Variants in EPB41L5 observed in about 807,000 individuals in gnomAD.
The protein encoded by EPB41L5 is band 4.1-like protein 5.
A neutral mutation model predicts 106.6 loss-of-function variants in EPB41L5; 55 were observed. The observed-to-expected ratio is 0.52, with a 90% CI of 0.42 to 0.65. EPB41L5 has a LOEUF of 0.65. EPB41L5 is among the 30% of genes least tolerant of loss of function. EPB41L5 has a pLI of 0.00. For missense variants in EPB41L5, 871 were observed against 882.1 expected, an observed-to-expected ratio of 0.99 and a Z score of 0.16; for synonymous variants, 297 against 306.7, an observed-to-expected ratio of 0.97 and a Z score of 0.33.
intron 10 of EPB41L5, among the ~76,000 whole-genome samples, chr2:120,082,278 C>T (rs1486210644): frequency 6.6e-6 from 1 of 152,080 alleles, no homozygotes; most frequent in African/African-American, 2.4e-5. Context: ...TTTTGAGATA[C>T]ATCCCATCAA....
rs774022685 is a variant in EPB41L5, at chr2:120,174,927, G to A, written c.*20G>A. ...CTCTGAGGGCCTGTAGCTGGAATAC[G>A]CATCTCTCCAGCATTCCGTCCTGGG... On this transcript the variant is annotated 3_prime_UTR_variant, in exon 25 of 25. Coordinates refer to ENST00000263713, the MANE Select transcript of EPB41L5 (RefSeq NM_020909.4). The A allele has an allele frequency of 2.0e-5, 32 of 1,604,626 alleles. No homozygotes were observed. Among genetic ancestry groups the A allele is most frequent in the Non-Finnish European group, 2.6e-5 (31 of 1,171,542 alleles).
chr2:120,020,595 CA>C (rs11326262), intron 2 of EPB41L5, among the ~76,000 whole-genome samples: 96,124 of 151,810 alleles, frequency 0.63, 31,836 homozygotes, highest in Middle Eastern at 0.74. Flanking sequence ...GACATTCCAA[CA>C]TGAGATATTT....
chr2:120,139,631 T>C (rs1449112561), intron 18 of EPB41L5, among the ~76,000 whole-genome samples: 2 of 152,054 alleles, frequency 1.3e-5, no homozygotes, highest in South Asian at 2.1e-4. Context: ...CAGTGAGATA[T>C]CATCTCACCC....
intron 1 of EPB41L5, among the ~76,000 whole-genome samples, chr2:120,014,247 A>T (rs1158764639): frequency 6.6e-6 from 1 of 152,238 alleles, no homozygotes; most frequent in Non-Finnish European, 1.5e-5. Context: ...TACTTTTTTT[A>T]ACCAACTTCT....
chr2:120,151,609 CCTTTT>C lies in EPB41L5; in HGVS notation c.1793+5321_1793+5325del, dbSNP rs1294370770. ...ACAGGCAGGAGCCACTGCGTCTGGC[CCTTTT>C]TTTTTTTTTTTTTTTTTTAAAGACG... On this transcript the variant is annotated intron_variant, in intron 20 of 24. Coordinates refer to ENST00000263713, the MANE Select transcript of EPB41L5 (RefSeq NM_020909.4). Among the ~76,000 whole-genome samples the C allele has an allele frequency of 1.9e-4, 28 of 145,330 alleles. 1 individual carries two copies. The highest frequency in any genetic ancestry group is 3.9e-3 in the Middle Eastern group (1 of 258).
At chr2:120,129,820 G>T (rs1685617412) in intron 17 of EPB41L5, among the ~76,000 whole-genome samples, 1 of 152,156 alleles carries the variant, frequency 6.6e-6, no homozygotes, top group South Asian at 2.1e-4. Flanking sequence ...TCAGTAAGGG[G>T]AAGTTTTTTA....
Position 120,117,853 on chromosome 2 carries a change from C to G in EPB41L5, c.1338-9835C>G, listed in dbSNP as rs1470189045. Among the ~76,000 whole-genome samples, 3 of 152,118 alleles carry G rather than the reference C, an allele frequency of 2.0e-5. No homozygotes were observed. In the South Asian group the frequency reaches 6.2e-4, roughly 32 times the overall value. ...ATTGCTTGTTCCTCTCCCCCTGCCC[C>G]CTCCCCATTTTTAAACAAGGCTGTT... On this transcript the variant is annotated intron_variant, in intron 16 of 24. Transcript: ENST00000263713.
Position 120,095,941 on chromosome 2 carries a change from A to T in EPB41L5, c.1178+2665A>T, listed in dbSNP as rs933630063. Among the ~76,000 whole-genome samples the T allele has an allele frequency of 2.6e-5, 4 of 152,140 alleles. No individual in the cohort carries two copies. The East Asian group carries it at 5.8e-4, about 22-fold the overall frequency. On this transcript the variant is annotated intron_variant, in intron 14 of 24. Coordinates refer to ENST00000263713, the MANE Select transcript of EPB41L5 (RefSeq NM_020909.4). ...TGTCTCGGCCTCCCAAAGTGCTAGG[A>T]TTACAGGTGTGAACCACCACGCCCA...
intron 22 of EPB41L5, among the ~76,000 whole-genome samples, chr2:120,167,111 T>C (rs1687447682): frequency 1.3e-5 from 2 of 152,244 alleles, no homozygotes; most frequent in Non-Finnish European, 2.9e-5. Context: ...TATCATTATT[T>C]GTAATTAATT....
intron 3 of EPB41L5, among the ~76,000 whole-genome samples, chr2:120,052,359 G>T (rs1315352007): frequency 6.6e-6 from 1 of 152,138 alleles, no homozygotes; most frequent in Non-Finnish European, 1.5e-5. Flanking sequence ...CTGTCCTATT[G>T]GGTGTCATGT....
chr2:120,102,545 T>C (rs1489299747), intron 16 of EPB41L5, among the ~76,000 whole-genome samples: 1 of 152,208 alleles, frequency 6.6e-6, no homozygotes, highest in Non-Finnish European at 1.5e-5. Context: ...CTTTGATTCT[T>C]GTTAATGCTT....
At chr2:120,101,176 C>T (rs1363746267) in intron 16 of EPB41L5, among the ~76,000 whole-genome samples, 1 of 152,148 alleles carries the variant, frequency 6.6e-6, no homozygotes, top group African/African-American at 2.4e-5. Context: ...GAAAGTATAT[C>T]CACTACGTGT....
chr2:120,157,994 A>G (rs1686973736), intron 20 of EPB41L5, among the ~76,000 whole-genome samples: 1 of 152,152 alleles, frequency 6.6e-6, no homozygotes, highest in Non-Finnish European at 1.5e-5. Context: ...AAACTAGAAA[A>G]TCTAGAAGAA....
chr2:120,106,834 A>C, intron 16 of EPB41L5: 1 of 985,268 alleles, frequency 1.0e-6, no homozygotes, highest in Non-Finnish European at 1.2e-6. Context: ...AGTAAGATCT[A>C]ACATTTCTGA....
intron 13 of EPB41L5, 89 bp downstream of exon 13, chr2:120,091,750 TCTC>T: frequency 4.1e-6 from 4 of 971,630 alleles, no homozygotes; most frequent in South Asian, 1.6e-5. Context: ...GTTACCTGAA[TCTC>T]CTCCTCAGGT....
At chr2:120,104,078 C>G in intron 16 of EPB41L5, 1 of 1,534,566 alleles carries the variant, frequency 6.5e-7, no homozygotes, top group Non-Finnish European at 8.7e-7. Context: ...CTGCCAGCGA[C>G]TGCTGTCAAC....
intron 2 of EPB41L5, among the ~76,000 whole-genome samples, chr2:120,028,599 G>A (rs1678495526): frequency 6.6e-6 from 1 of 152,172 alleles, no homozygotes; most frequent in Non-Finnish European, 1.5e-5. Context: ...AAAAAATCAT[G>A]CCTGGAGACT....
chr2:120,105,266 T>C, intron 16 of EPB41L5: 1 of 978,420 alleles, frequency 1.0e-6, no homozygotes. Flanking sequence ...TGTCTTTTTT[T>C]AGTTTTCTTT....
At chr2:120,110,350 G>A (rs1310644255) in intron 16 of EPB41L5, among the ~76,000 whole-genome samples, 1 of 152,106 alleles carries the variant, frequency 6.6e-6, no homozygotes, top group African/African-American at 2.4e-5. Flanking sequence ...CCTAAACTCT[G>A]TTTAAGGAAC....
Sources: gnomAD v4.1 joint callset for allele counts (sites outside exome capture counted in the v4.1 genomes callset) on GRCh38, gnomAD v4.1.1 for gene constraint, MANE v1.5 for transcripts, NCBI Gene and HGNC (gene_info 2026-07-23, HGNC 2026-07-21) for gene names.